STAU2: variants seen among roughly 807,000 people sequenced by gnomAD.
The protein encoded by STAU2 is staufen double-stranded RNA binding protein 2, also known as double-stranded RNA-binding protein Staufen homolog 2.
Under a neutral mutation model 65.9 loss-of-function variants are expected in STAU2, and 20 were observed. That is an observed-to-expected ratio of 0.30 (90% confidence interval 0.21 to 0.44). STAU2 has a LOEUF of 0.44. Among genes scored for constraint, STAU2 ranks in the 20% least tolerant of loss-of-function variants. The pLI, the probability that STAU2 is intolerant of heterozygous loss-of-function variation, is 1.00. For synonymous variants in STAU2, 232 were observed against 233.9 expected, an observed-to-expected ratio of 0.99 and a Z score of 0.07; for missense variants, 558 against 683.9, an observed-to-expected ratio of 0.82 and a Z score of 2.05.
intron 6 of STAU2, chr8:73,651,647 T>C (rs1372251798): frequency 9.0e-6 from 5 of 555,098 alleles, no homozygotes. Flanking sequence ...CAAGAGGCCC[T>C]GGCCTCTGAG....
At chr8:73,685,440 G>A (rs1409167329) in intron 5 of STAU2, among the ~76,000 whole-genome samples, 5 of 149,882 alleles carry the variant, frequency 3.3e-5, no homozygotes, top group Non-Finnish European at 7.4e-5. Context: ...GCAGTGGTGC[G>A]ATCTCAGCTC....
In STAU2 at chr8:73,598,519, G is replaced by A. The variant is rs537513441; in HGVS notation, c.1030-3222C>T. 2.9e-4 allele frequency among the ~76,000 whole-genome samples: 44 copies of A among 152,158 alleles called. 1 individual carries two copies. The East Asian group carries it at 7.3e-3, about 25-fold the overall frequency. On this transcript the variant is annotated intron_variant, in intron 10 of 14. Coordinates refer to ENST00000524300, the MANE Select transcript of STAU2 (RefSeq NM_001164380.2). ...TGGGATTACAGGTGTGAGCCACCACGCCCAGTAGAAGAAAACCTTTTAAAT... is the reference window on the plus strand; with the variant it reads ...TGGGATTACAGGTGTGAGCCACCACACCCAGTAGAAGAAAACCTTTTAAAT...
chr8:73,514,396 G>A (rs1335728729), intron 13 of STAU2, among the ~76,000 whole-genome samples: 1 of 152,114 alleles, frequency 6.6e-6, no homozygotes, highest in African/African-American at 2.4e-5. Flanking sequence ...GCTCTTTGTT[G>A]CAAAGAACAT....
chr8:73,673,389 C>A (rs1352696899), intron 5 of STAU2, 147 bp from the exon 6 acceptor site: 3 of 848,548 alleles, frequency 3.5e-6, no homozygotes, highest in Non-Finnish European at 4.8e-6. Context: ...ACTGCGAAAA[C>A]AAAGTAAAAA....
chr8:73,574,984 A>G (rs1462193820), intron 12 of STAU2, among the ~76,000 whole-genome samples: 2 of 151,768 alleles, frequency 1.3e-5, no homozygotes, highest in East Asian at 1.9e-4. Flanking sequence ...ATTATTTATT[A>G]TACCCAACTT....
Position 73,548,308 on chromosome 8 carries a change from T to G in STAU2, c.1530+3704A>C, listed in dbSNP as rs766467116. Among the ~76,000 whole-genome samples the G allele has an allele frequency of 4.5e-4, 68 of 149,986 alleles. 1 individual carries two copies. Among genetic ancestry groups the G allele is most frequent in the Non-Finnish European group, 1.3e-4 (9 of 67,734 alleles). ...CCACCTTGATGATAACTATATGGAT[T>G]GGAAAACATGAGGTATAGGAGAGAT... On this transcript the variant is annotated intron_variant, in intron 13 of 14. Transcript: ENST00000524300.
intron 6 of STAU2, among the ~76,000 whole-genome samples, chr8:73,660,729 T>C (rs1816769313): frequency 6.6e-6 from 1 of 152,200 alleles, no homozygotes; most frequent in South Asian, 2.1e-4. Flanking sequence ...AAATCCTAAC[T>C]TAATAACTCC....
intron 13 of STAU2, chr8:73,511,566 C>T (rs558518257): frequency 6.5e-6 from 1 of 152,932 alleles, no homozygotes; most frequent in South Asian, 2.1e-4. Flanking sequence ...CATGGGAGAA[C>T]TCTTCATGAT....
At chr8:73,646,590 T>C (rs1042219395) in intron 6 of STAU2, among the ~76,000 whole-genome samples, 3 of 152,146 alleles carry the variant, frequency 2.0e-5, no homozygotes, top group Admixed American at 6.5e-5. Context: ...TAATTCAAAA[T>C]GTACATTTAA....
intron 3 of STAU2, among the ~76,000 whole-genome samples, chr8:73,736,750 G>A (rs985290692): frequency 3.3e-5 from 5 of 152,212 alleles, no homozygotes; most frequent in African/African-American, 4.8e-5. Context: ...GAAAAAAAAG[G>A]TCTAGACCAG....
At chr8:73,478,402 G>C (rs1702367573) in intron 13 of STAU2, among the ~76,000 whole-genome samples, 1 of 151,888 alleles carries the variant, frequency 6.6e-6, no homozygotes, top group Non-Finnish European at 1.5e-5. Context: ...ACCTGTCCTG[G>C]GCTGCATGTG....
intron 13 of STAU2, among the ~76,000 whole-genome samples, chr8:73,549,221 T>C (rs1807149930): frequency 6.6e-6 from 1 of 152,140 alleles, no homozygotes; most frequent in Non-Finnish European, 1.5e-5. Context: ...AACAACAAAG[T>C]CTGAAGTTCA....
intron 6 of STAU2, among the ~76,000 whole-genome samples, chr8:73,632,668 A>T (rs571117222): frequency 4.6e-5 from 7 of 152,288 alleles, no homozygotes; most frequent in African/African-American, 1.7e-4. Flanking sequence ...GACCATGGTG[A>T]TCTCTCAGGA....
chr8:73,539,721 T>C (rs574892341), intron 13 of STAU2, among the ~76,000 whole-genome samples: 9 of 152,014 alleles, frequency 5.9e-5, no homozygotes, highest in Non-Finnish European at 1.3e-4. Context: ...TGGGTGCCTG[T>C]AGTCCCAGCT....
At chr8:73,452,556 G>A (rs1218590251) in intron 13 of STAU2, among the ~76,000 whole-genome samples, 1 of 152,170 alleles carries the variant, frequency 6.6e-6, no homozygotes, top group Admixed American at 6.5e-5. Context: ...TGAGAGCAGG[G>A]CTGTGCTCTT....
chr8:73,637,211 G>C (rs533246738), intron 6 of STAU2, among the ~76,000 whole-genome samples: 1 of 151,316 alleles, frequency 6.6e-6, no homozygotes, highest in South Asian at 2.1e-4. Context: ...GGAGGAAAAG[G>C]GGGGAACAGA....
chr8:73,721,898 G>C (rs931018899), intron 3 of STAU2, among the ~76,000 whole-genome samples: 9 of 152,110 alleles, frequency 5.9e-5, no homozygotes, highest in African/African-American at 2.2e-4. Context: ...CATTTAGTGT[G>C]ACTATTCATA....
intron 13 of STAU2, among the ~76,000 whole-genome samples, chr8:73,476,824 C>T: frequency 6.6e-6 from 1 of 152,132 alleles, no homozygotes; most frequent in Non-Finnish European, 1.5e-5. Context: ...TGGCCAAAGG[C>T]CCAGTGGACA....
At chr8:73,484,365 T>C (rs949563742) in intron 13 of STAU2, among the ~76,000 whole-genome samples, 2 of 152,136 alleles carry the variant, frequency 1.3e-5, no homozygotes, top group African/African-American at 4.8e-5. Flanking sequence ...AGGTTACTTC[T>C]GAATATATTA....
Sources: allele counts gnomAD v4.1 joint callset (sites outside exome capture counted in the v4.1 genomes callset), GRCh38; gene constraint gnomAD v4.1.1; transcripts MANE v1.5; gene names NCBI Gene and HGNC (gene_info 2026-07-23, HGNC 2026-07-21).